GIGYF2: variants seen among roughly 807,000 people sequenced by gnomAD.
GIGYF2 encodes the protein GRB10-interacting GYF protein 2.
In GIGYF2, 25 loss-of-function variants were observed where a neutral mutation model predicts 208.1. The observed-to-expected ratio is 0.12, with a 90% CI of 0.09 to 0.17. The LOEUF is 0.17. GIGYF2 is among the 10% of genes least tolerant of loss of function. The pLI, the probability that GIGYF2 is intolerant of heterozygous loss-of-function variation, is 1.00. For missense variants in GIGYF2, 1,302 were observed against 1,579.4 expected (o/e 0.82, Z 2.98); for synonymous variants, 534 against 543.8 (o/e 0.98, Z 0.25).
intron 27 of GIGYF2, among the ~76,000 whole-genome samples, chr2:232,849,050 G>T (rs1365873898): frequency 1.3e-5 from 2 of 152,152 alleles, no homozygotes; most frequent in Admixed American, 6.5e-5. Flanking sequence ...GGTCACTTAC[G>T]ATGAGGATGT....
chr2:232,739,372 C>G (rs781397030), intron 3 of GIGYF2, among the ~76,000 whole-genome samples: 10 of 126,702 alleles, frequency 7.9e-5, no homozygotes, highest in South Asian at 3.2e-4. Flanking sequence ...CCCCCCCCCC[C>G]CCGCAAAAAA....
chr2:232,852,768 C>T (rs1690406582), intron 28 of GIGYF2, among the ~76,000 whole-genome samples: 2 of 152,154 alleles, frequency 1.3e-5, no homozygotes, highest in African/African-American at 4.8e-5. Flanking sequence ...TCCTTAAATT[C>T]TAACTGTGGG....
chr2:232,773,740 C>G (rs1164825238), intron 8 of GIGYF2, among the ~76,000 whole-genome samples: 1 of 151,724 alleles, frequency 6.6e-6, no homozygotes, highest in Non-Finnish European at 1.5e-5. Context: ...TATGTACAAA[C>G]TGATGTGAAG....
In GIGYF2 at chr2:232,761,621, G is replaced by A; in HGVS notation, c.532+185G>A. The A allele has an allele frequency of 5.7e-6, 3 of 530,198 alleles. No individual in the cohort carries two copies. The South Asian group carries it at 6.7e-5, about 12-fold the overall frequency. The allele number at this position is 530,198 out of a possible 1,614,324, so 32.8% of individuals were successfully genotyped here. On this transcript the variant is annotated intron_variant, in intron 8 of 28. Transcript: ENST00000373563. Reference sequence around the variant, plus strand: ...TTAGGATTTACTTGACTTGGTCTGTGTGTTCTCTGCAAGGCATATATTCTT... The same window carrying A: ...TTAGGATTTACTTGACTTGGTCTGTATGTTCTCTGCAAGGCATATATTCTT...
chr2:232,753,468 A>T (rs1414345663), intron 5 of GIGYF2, among the ~76,000 whole-genome samples: 1 of 152,052 alleles, frequency 6.6e-6, no homozygotes, highest in Non-Finnish European at 1.5e-5. Context: ...CGTGTTGGCC[A>T]GGCTAGTCTC....
intron 2 of GIGYF2, among the ~76,000 whole-genome samples, chr2:232,725,360 T>G (rs960926340): frequency 6.6e-6 from 1 of 152,206 alleles, no homozygotes; most frequent in African/African-American, 2.4e-5. Flanking sequence ...TCCTAGGTCT[T>G]TCTTCTTTAC....
At chr2:232,741,208 A>G (rs1317449549) in intron 3 of GIGYF2, among the ~76,000 whole-genome samples, 1 of 152,146 alleles carries the variant, frequency 6.6e-6, no homozygotes, top group Non-Finnish European at 1.5e-5. Context: ...TCTTAATAGT[A>G]TATGTGCCTG....
Position 232,702,465 on chromosome 2 carries a change from T to C in GIGYF2, c.-109-959T>C, listed in dbSNP as rs530146019. On this transcript the variant is annotated intron_variant, in intron 1 of 28. Coordinates refer to ENST00000373563, the MANE Select transcript of GIGYF2 (RefSeq NM_001103146.3). ...AAAAAAAGAAAAAAAACTCTATCTGTCTCTATCTAGTTGCTTTCCTGTAGT... is the reference window on the plus strand; with the variant it reads ...AAAAAAAGAAAAAAAACTCTATCTGCCTCTATCTAGTTGCTTTCCTGTAGT... Among the ~76,000 whole-genome samples, 365 of 151,814 alleles carry C rather than the reference T, an allele frequency of 2.4e-3. 2 individuals are homozygous for C. The highest frequency in any genetic ancestry group is 8.1e-3 in the African/African-American group (337 of 41,388).
At chr2:232,776,016 G>A (rs1699496648) in intron 8 of GIGYF2, among the ~76,000 whole-genome samples, 2 of 151,984 alleles carry the variant, frequency 1.3e-5, no homozygotes, top group South Asian at 4.2e-4. Flanking sequence ...TTACGATTAG[G>A]ATACTCATCA....
At chr2:232,709,661 T>C (rs1696290243) in intron 2 of GIGYF2, among the ~76,000 whole-genome samples, 1 of 151,714 alleles carries the variant, frequency 6.6e-6, no homozygotes, top group Non-Finnish European at 1.5e-5. Context: ...ATATAAAAAT[T>C]AGCCGGGTGT....
intron 8 of GIGYF2, among the ~76,000 whole-genome samples, chr2:232,765,095 A>C (rs900493995): frequency 3.9e-5 from 6 of 152,162 alleles, no homozygotes; most frequent in Admixed American, 3.9e-4. Context: ...TACATATTCT[A>C]ATATGTCATA....
chr2:232,771,257 T>C (rs1345387152), intron 8 of GIGYF2: 1 of 1,608,852 alleles, frequency 6.2e-7, no homozygotes, highest in Admixed American at 1.7e-5. Flanking sequence ...GCAAGACCTC[T>C]TTGAGCGCCA....
chr2:232,718,480 A>G (rs1348406978), intron 2 of GIGYF2, among the ~76,000 whole-genome samples: 4 of 152,172 alleles, frequency 2.6e-5, no homozygotes, highest in Non-Finnish European at 5.9e-5. Context: ...GTACATTTAC[A>G]TTGATGGACA....
chr2:232,757,430 T>C (rs1374201210), intron 6 of GIGYF2, among the ~76,000 whole-genome samples: 1 of 152,022 alleles, frequency 6.6e-6, no homozygotes, highest in Non-Finnish European at 1.5e-5. Context: ...GCAACAAAAT[T>C]TTGGGTGGTG....
Position 232,790,738 on chromosome 2 carries a change from A to C in GIGYF2, c.753A>C (p.Arg251=), listed in dbSNP as rs1180498083. 1 of 1,613,982 alleles carries C rather than the reference A, an allele frequency of 6.2e-7. No homozygotes were observed. The highest frequency in any genetic ancestry group is 1.3e-5 in the African/African-American group (1 of 74,902). The change falls in exon 10 of 29, where the codon CGA becomes CGC. Residue 251 remains arginine, a synonymous_variant. Coordinates refer to ENST00000373563, the MANE Select transcript of GIGYF2 (RefSeq NM_001103146.3). The part of the protein sequence containing the change: ...RSAGWREHME[R]RRRFEFDFRD... ...CAGGCTGGCGGGAACACATGGAACG[A>C]CGTCGGAGGTTTGAGTTTGATTTTC...
chr2:232,699,459 AT>A (rs1695747832), intron 1 of GIGYF2, among the ~76,000 whole-genome samples: 1 of 152,170 alleles, frequency 6.6e-6, no homozygotes, highest in African/African-American at 2.4e-5. Flanking sequence ...GATTCTGGAA[AT>A]TTGGGCCAGC....
At chr2:232,826,875 C>A (rs1323995086) in intron 21 of GIGYF2, among the ~76,000 whole-genome samples, 1 of 152,170 alleles carries the variant, frequency 6.6e-6, no homozygotes, top group Admixed American at 6.5e-5. Context: ...CTACAGTCAT[C>A]CCAAGCCTTC....
intron 23 of GIGYF2, chr2:232,843,140 TG>T (rs1196040381): frequency 3.1e-4 from 12 of 38,886 alleles, no homozygotes; most frequent in African/African-American, 1.1e-3. Context: ...ATGCTGTGTG[TG>T]TGTGTGTGTG....
At chr2:232,830,721 C>T (rs1298650415) in intron 21 of GIGYF2, among the ~76,000 whole-genome samples, 1 of 152,080 alleles carries the variant, frequency 6.6e-6, no homozygotes, top group Non-Finnish European at 1.5e-5. Flanking sequence ...GTGGCTAACA[C>T]TTGTAATCCC....
Sources: gnomAD v4.1 joint callset for allele counts (sites outside exome capture counted in the v4.1 genomes callset) on GRCh38, gnomAD v4.1.1 for gene constraint, MANE v1.5 for transcripts, NCBI Gene and HGNC (gene_info 2026-07-23, HGNC 2026-07-21) for gene names.